Variants in CENPH observed in about 807,000 individuals in gnomAD.
CENPH encodes the protein centromere protein H.
Under a neutral mutation model 42.9 loss-of-function variants are expected in CENPH, and 40 were observed. The ratio of observed to expected loss-of-function variants is 0.93; its 90% CI spans 0.72 to 1.21. CENPH has a LOEUF of 1.21. Ranked by LOEUF, CENPH falls within the 50% of genes most tolerant of loss-of-function variation. The pLI is 0.00. For synonymous variants in CENPH, 88 were observed against 96.5 expected, an observed-to-expected ratio of 0.91 and a Z score of 0.52; for missense variants, 302 against 292.9, an observed-to-expected ratio of 1.03 and a Z score of -0.23.
intron 7 of CENPH, among the ~76,000 whole-genome samples, chr5:69,204,597 CTTTTTTTTTTTT>C (rs530678541): frequency 1.4e-5 from 1 of 69,576 alleles, no homozygotes; most frequent in African/African-American, 6.1e-5. Flanking sequence ...GCTTGTATTT[CTTTTTTTTTTTT>C]TTTTTTTTTT....
chr5:69,205,808 A>G (rs1311264580), intron 7 of CENPH, among the ~76,000 whole-genome samples: 1 of 137,438 alleles, frequency 7.3e-6, no homozygotes, highest in Non-Finnish European at 1.5e-5. Context: ...TCCCGGGTTC[A>G]CACCATTCTT....
intron 8 of CENPH, among the ~76,000 whole-genome samples, chr5:69,209,074 C>T (rs1748207005): frequency 6.6e-6 from 1 of 152,176 alleles, no homozygotes; most frequent in South Asian, 2.1e-4. Flanking sequence ...GGATTACAGG[C>T]TTGAGCCACC....
intron 2 of CENPH, among the ~76,000 whole-genome samples, chr5:69,194,358 A>C (rs1747929498): frequency 6.6e-6 from 1 of 152,198 alleles, no homozygotes; most frequent in Admixed American, 6.5e-5. Flanking sequence ...TATGTTGCCC[A>C]GGCTGGTCTC....
At chr5:69,204,593 A>ATTTATTTTT (rs1580229277) in intron 7 of CENPH, among the ~76,000 whole-genome samples, 1 of 66,004 alleles carries the variant, frequency 1.5e-5, no homozygotes, top group Non-Finnish European at 3.0e-5. Flanking sequence ...CCTGGCTTGT[A>ATTTATTTTT]TTTCTTTTTT....
At chr5:69,205,850 A>G (rs139260033) in intron 7 of CENPH, among the ~76,000 whole-genome samples, 23,035 of 151,188 alleles carry the variant, frequency 0.15, 1,891 homozygotes, top group African/African-American at 0.21. Flanking sequence ...CTGGGACTAC[A>G]GGCACCCGCC....
chr5:69,192,452 G>C (rs933431913), intron 2 of CENPH, among the ~76,000 whole-genome samples: 1 of 152,180 alleles, frequency 6.6e-6, no homozygotes, highest in Non-Finnish European at 1.5e-5. Flanking sequence ...ATACCTAGGA[G>C]ACGACAGATG....
chr5:69,190,468 T>C (rs1320438403), intron 1 of CENPH, among the ~76,000 whole-genome samples: 3 of 152,216 alleles, frequency 2.0e-5, no homozygotes, highest in African/African-American at 4.8e-5. Context: ...AAGGGTGGAA[T>C]TGAGTAGCTA....
intron 2 of CENPH, among the ~76,000 whole-genome samples, chr5:69,193,454 C>A (rs2112081885): frequency 1.3e-5 from 2 of 151,614 alleles, no homozygotes; most frequent in East Asian, 3.9e-4. Context: ...CATAGCGAGA[C>A]CCCCACCTCT....
chr5:69,194,353 T>G (rs1747929379), intron 2 of CENPH, among the ~76,000 whole-genome samples: 1 of 152,184 alleles, frequency 6.6e-6, no homozygotes, highest in Non-Finnish European at 1.5e-5. Context: ...TTCACTATGT[T>G]GCCCAGGCTG....
chr5:69,205,313 T>C (rs1286365752), intron 7 of CENPH, among the ~76,000 whole-genome samples: 2 of 151,836 alleles, frequency 1.3e-5, no homozygotes, highest in Admixed American at 6.6e-5. Flanking sequence ...CTGCAACCTC[T>C]GTCTCCTGGA....
intron 1 of CENPH, among the ~76,000 whole-genome samples, chr5:69,190,171 A>T (rs2112078168): frequency 6.6e-6 from 1 of 152,312 alleles, no homozygotes; most frequent in Admixed American, 6.5e-5. Context: ...TTTATATGTT[A>T]TAAATTCTAC....
At chr5:69,200,042 G>A (rs1748032525) in intron 5 of CENPH, among the ~76,000 whole-genome samples, 1 of 151,292 alleles carries the variant, frequency 6.6e-6, no homozygotes, top group African/African-American at 2.4e-5. Flanking sequence ...GAACCCAGGA[G>A]GCGAAGGTTG....
intron 7 of CENPH, among the ~76,000 whole-genome samples, chr5:69,204,050 A>ATT (rs1379828106): frequency 1.7e-5 from 1 of 57,450 alleles, no homozygotes. Context: ...ATATTTATAT[A>ATT]TTATATATAT....
intron 8 of CENPH, 44 bp downstream of exon 8, chr5:69,208,403 A>G (rs1561325632): frequency 7.4e-7 from 1 of 1,347,734 alleles, no homozygotes; most frequent in Non-Finnish European, 1.0e-6. Context: ...CTTGTTGCCC[A>G]GGCTGGAGTG....
chr5:69,209,806 T>G lies in CENPH; in HGVS notation c.*7T>G. On this transcript the variant is annotated 3_prime_UTR_variant, in exon 9 of 9. Coordinates refer to ENST00000283006, the MANE Select transcript of CENPH (RefSeq NM_022909.4). ...GAATGTTGACATGATGTAATAAGAATTCATTTCTGACATATTTTACATTTC... is the reference window on the plus strand; with the variant it reads ...GAATGTTGACATGATGTAATAAGAAGTCATTTCTGACATATTTTACATTTC... 1.3e-6 allele frequency: 2 copies of G among 1,488,032 alleles called. No individual in the cohort carries two copies. Among genetic ancestry groups the G allele is most frequent in the East Asian group, 2.3e-5 (1 of 44,170 alleles). 92.2% of individuals were successfully genotyped at this position (1,488,032 alleles called of 1,614,324 possible).
rs199943321 is a variant in CENPH at position 69,191,784 on chromosome 5, T to G, written c.135-11T>G. The G allele has an allele frequency of 3.0e-5, 45 of 1,501,572 alleles. No homozygotes were observed. The African/African-American group carries it at 5.5e-4, about 18-fold the overall frequency. The allele number at this position is 1,501,572 out of a possible 1,614,324, so 93.0% of individuals were successfully genotyped here. A position where few individuals can be genotyped will look rare whatever the true frequency, so the allele number is the denominator to read the frequency against. Reference sequence around the variant, plus strand: ...AATATGTGACTTTATATTCTCTTTATCTGTTTTCAGGCTGAGAGCACAGAC... The same window carrying G: ...AATATGTGACTTTATATTCTCTTTAGCTGTTTTCAGGCTGAGAGCACAGAC... On this transcript the variant is annotated splice_polypyrimidine_tract_variant and intron_variant, in intron 1 of 8. Transcript: ENST00000283006.
chr5:69,200,741 T>TTTTTTTTTTTTTG (rs766450606), intron 5 of CENPH, among the ~76,000 whole-genome samples: 1 of 105,168 alleles, frequency 9.5e-6, no homozygotes, highest in Non-Finnish European at 1.9e-5. Context: ...TTTTTTTTTT[T>TTTTTTTTTTTTTG]TTTTTTTTTT....
At chr5:69,190,221 T>C (rs935836041) in intron 1 of CENPH, among the ~76,000 whole-genome samples, 3 of 152,218 alleles carry the variant, frequency 2.0e-5, no homozygotes, top group African/African-American at 7.2e-5. Flanking sequence ...AAGCGGTTGC[T>C]GGGGAAGATT....
At chr5:69,194,852 T>A (rs1234555393) in intron 3 of CENPH, among the ~76,000 whole-genome samples, 157 bp downstream of exon 3, 5 of 151,718 alleles carry the variant, frequency 3.3e-5, no homozygotes, top group Non-Finnish European at 7.4e-5. Flanking sequence ...GCTCAAGGGA[T>A]CCACTGGCCT....
Sources: gnomAD v4.1 joint callset for allele counts (sites outside exome capture counted in the v4.1 genomes callset) on GRCh38, gnomAD v4.1.1 for gene constraint, MANE v1.5 for transcripts, NCBI Gene and HGNC (gene_info 2026-07-23, HGNC 2026-07-21) for gene names.